Variants in SYT14 observed in about 807,000 individuals in gnomAD.
SYT14 encodes the protein synaptotagmin 14, also known as synaptotagmin-14.
SYT14 carries 32 observed loss-of-function variants against 74.2 expected under a neutral mutation model. The observed-to-expected ratio is 0.43, with a 90% confidence interval of 0.33 to 0.58. The LOEUF (loss-of-function observed/expected upper bound fraction) is 0.58. SYT14 is among the 20% of genes least tolerant of loss of function. The probability of loss-of-function intolerance (pLI) is 0.05; values close to 1 mark genes in which losing one functional copy is unlikely to be tolerated. For missense variants in SYT14, 791 were observed against 981.8 expected, an observed-to-expected ratio of 0.81 and a Z score of 2.60; for synonymous variants, 298 against 337.7, an observed-to-expected ratio of 0.88 and a Z score of 1.29.
intron 2 of SYT14, among the ~76,000 whole-genome samples, chr1:210,003,331 A>G (rs1434885455): frequency 1.3e-5 from 2 of 152,140 alleles, no homozygotes; most frequent in African/African-American, 2.4e-5. Flanking sequence ...GGTATCTGGT[A>G]GAGTTTCCTC....
rs1373350275 is a variant in SYT14, at chr1:210,000,970, T to C, written c.-485-12663T>C. On this transcript the variant is annotated intron_variant, in intron 2 of 9. Coordinates refer to ENST00000637265, the Ensembl canonical transcript of SYT14. ...AACACATTATTTTAAGACTGAATTA[T>C]GTTTTTCATTAACCTCTGAAGAATG... is the stretch of plus-strand genomic sequence containing the variant. Among the ~76,000 whole-genome samples the C allele has an allele frequency of 5.3e-5, 8 of 152,272 alleles. No homozygotes were observed. The East Asian group carries it at 1.2e-3, about 22-fold the overall frequency.
At chr1:210,124,980 A>T (rs1393588177) in intron 7 of SYT14, among the ~76,000 whole-genome samples, 1 of 152,164 alleles carries the variant, frequency 6.6e-6, no homozygotes, top group African/African-American at 2.4e-5. Context: ...TTGCGAAGTT[A>T]AAGTGAAGGC....
chr1:210,040,751 G>A (rs2080771971), intron 5 of SYT14, among the ~76,000 whole-genome samples: 1 of 152,162 alleles, frequency 6.6e-6, no homozygotes, highest in Non-Finnish European at 1.5e-5. Context: ...ATCCCCTGTA[G>A]TCAAAATGAT....
At chr1:210,155,799 T>G (rs1327700640) in exon 8 of SYT14, 1 of 1,614,080 alleles carries the variant, frequency 6.2e-7, no homozygotes, top group Non-Finnish European at 8.5e-7. Context: ...TGAACATGGC[T>G]CAGTTCCAGA....
At chr1:210,145,831 T>C (rs1159866139) in intron 7 of SYT14, among the ~76,000 whole-genome samples, 1 of 152,176 alleles carries the variant, frequency 6.6e-6, no homozygotes, top group Non-Finnish European at 1.5e-5. Flanking sequence ...TTCAGGTATC[T>C]CCAGAATATT....
chr1:210,037,654 A>G (rs759505854), intron 5 of SYT14, among the ~76,000 whole-genome samples: 1 of 151,664 alleles, frequency 6.6e-6, no homozygotes, highest in Non-Finnish European at 1.5e-5. Context: ...CATTCATTTC[A>G]GAAATATTTT....
chr1:210,126,101 C>T (rs1333539838), intron 7 of SYT14, among the ~76,000 whole-genome samples: 1 of 151,872 alleles, frequency 6.6e-6, no homozygotes, highest in African/African-American at 2.4e-5. Context: ...TATGCGGGAG[C>T]CTGATACAGG....
chr1:209,955,262 C>T (rs1333556444), intron 2 of SYT14, among the ~76,000 whole-genome samples: 1 of 152,130 alleles, frequency 6.6e-6, no homozygotes, highest in South Asian at 2.1e-4. Context: ...ATCTGGATGT[C>T]TGTTACAATA....
chr1:210,051,479 A>C (rs1323464976), intron 5 of SYT14, among the ~76,000 whole-genome samples: 1 of 152,214 alleles, frequency 6.6e-6, no homozygotes, highest in Non-Finnish European at 1.5e-5. Flanking sequence ...ACATATACTC[A>C]GATAAATCCC....
At chr1:210,003,633 T>G (rs1220154502) in intron 2 of SYT14, among the ~76,000 whole-genome samples, 1 of 152,158 alleles carries the variant, frequency 6.6e-6, no homozygotes, top group African/African-American at 2.4e-5. Flanking sequence ...GTTTTTGGTC[T>G]TCTAAAAGTG....
intron 5 of SYT14, among the ~76,000 whole-genome samples, chr1:210,087,106 G>T (rs1299747269): frequency 6.6e-6 from 1 of 152,078 alleles, no homozygotes. Context: ...CACATTGGGT[G>T]CCCTCATCGT....
At chr1:209,939,309 A>G (rs977299202) in intron 1 of SYT14, among the ~76,000 whole-genome samples, 7 of 152,214 alleles carry the variant, frequency 4.6e-5, no homozygotes, top group African/African-American at 1.7e-4. Context: ...CTATATCATT[A>G]TTTCTCTACA....
intron 7 of SYT14, among the ~76,000 whole-genome samples, chr1:210,133,229 G>T (rs2082713582): frequency 6.6e-6 from 1 of 152,144 alleles, no homozygotes; most frequent in Admixed American, 6.5e-5. Flanking sequence ...CTCAGGTCAG[G>T]TTCTCTGGAG....
chr1:210,013,931 A>T, intron 3 of SYT14, 134 bp downstream of exon 3: 1 of 849,156 alleles, frequency 1.2e-6, no homozygotes, highest in South Asian at 2.1e-5. Flanking sequence ...TCTGTAAAAG[A>T]TCTGTTAAGT....
intron 2 of SYT14, among the ~76,000 whole-genome samples, chr1:209,958,610 A>C (rs1167530503): frequency 6.6e-6 from 1 of 152,140 alleles, no homozygotes. Flanking sequence ...ATTTATGTTT[A>C]GATACCTTAT....
chr1:210,133,662 T>C (rs2082722206), intron 7 of SYT14, among the ~76,000 whole-genome samples: 2 of 152,288 alleles, frequency 1.3e-5, no homozygotes, highest in Admixed American at 6.5e-5. Flanking sequence ...TCAAAACCTC[T>C]GTACTTTCTG....
rs1404742763 is a variant in SYT14 at position 210,000,610 on chromosome 1, C to CTTTTT, written c.-485-13021_-485-13020insTTTTT. Among the ~76,000 whole-genome samples the CTTTTT allele has an allele frequency of 6.0e-4, 69 of 115,562 alleles. 8 individuals carry two copies. In the East Asian group the frequency reaches 0.016, roughly 26 times the overall value. The allele number at this position is 115,562 out of a possible 152,430, so 75.8% of individuals were successfully genotyped here. A position where few individuals can be genotyped will look rare whatever the true frequency, so the allele number is the denominator to read the frequency against. ...TACTTTCATTAGGGCTGTTTTATGC[C>CTTTTT]TTCTTTTTTTTTTTTTTTTTTTGAG... On this transcript the variant is annotated intron_variant, in intron 2 of 9. Coordinates refer to ENST00000637265, the Ensembl canonical transcript of SYT14.
chr1:210,120,920 A>G (rs924176579), intron 7 of SYT14, among the ~76,000 whole-genome samples: 1 of 152,180 alleles, frequency 6.6e-6, no homozygotes, highest in African/African-American at 2.4e-5. Flanking sequence ...CAAAATATTC[A>G]AGAATTACTA....
At chr1:209,948,658 C>T (rs1324736483) in intron 1 of SYT14, among the ~76,000 whole-genome samples, 1 of 152,192 alleles carries the variant, frequency 6.6e-6, no homozygotes, top group Non-Finnish European at 1.5e-5. Context: ...TCAATATTTA[C>T]TTTCCAAAAT....
Sources: allele counts gnomAD v4.1 joint callset (sites outside exome capture counted in the v4.1 genomes callset), GRCh38; gene constraint gnomAD v4.1.1; transcripts MANE v1.5; gene names NCBI Gene and HGNC (gene_info 2026-07-23, HGNC 2026-07-21).